SPOP: variants seen among roughly 807,000 people sequenced by gnomAD.
SPOP encodes the protein speckle-type POZ protein.
In SPOP, 11 loss-of-function variants were observed where a neutral mutation model predicts 45.6. The ratio of observed to expected loss-of-function variants is 0.24; its 90% CI spans 0.15 to 0.40. SPOP has a LOEUF of 0.40. Among genes scored for constraint, SPOP ranks in the 10% least tolerant of loss-of-function variants. The probability of loss-of-function intolerance (pLI) is 1.00; values close to 1 mark genes in which losing one functional copy is unlikely to be tolerated. For synonymous variants in SPOP, 166 were observed against 166.3 expected (o/e 1.00, Z 0.01); for missense variants, 152 against 465.6 (o/e 0.33, Z 6.20).
chr17:49,602,047 G>A (rs1481393580), intron 8 of SPOP, 40 bp from the exon 9 acceptor site: 1 of 1,607,290 alleles, frequency 6.2e-7, no homozygotes, highest in Non-Finnish European at 8.5e-7. Context: ...AGCAGCAATA[G>A]TTCTGGGCTG....
Position 49,600,501 on chromosome 17 carries a change from C to T in SPOP, c.1002G>A (p.Glu334=). The part of the protein sequence containing the change: ...FINYHASDVL[E]TSGWKSMVVS... Reference sequence around the variant, plus strand: ...CCACCATTGACTTCCACCCAGAGGTCTCCAAGACATCCGAAGCATGACTAG... The same window carrying T: ...CCACCATTGACTTCCACCCAGAGGTTTCCAAGACATCCGAAGCATGACTAG... Residue 334 remains glutamate (E), a synonymous_variant, in exon 10 of 10, where the codon GAG becomes GAA. Coordinates refer to ENST00000504102, the MANE Select transcript of SPOP (RefSeq NM_001007228.2). The surrounding 1 kb of genome is among the most constrained non-coding windows in gnomAD (Gnocchi z 4.2). The T allele has an allele frequency of 6.2e-7, 1 of 1,614,096 alleles. No individual in the cohort carries two copies. The highest frequency in any genetic ancestry group is 8.5e-7 in the Non-Finnish European group (1 of 1,180,002).
chr17:49,622,182 T>C (rs2072233567), intron 2 of SPOP, 115 bp from the exon 3 acceptor site: 6 of 1,381,760 alleles, frequency 4.3e-6, no homozygotes, highest in Admixed American at 2.0e-5. Flanking sequence ...GATAGGAAGA[T>C]AGCAGTTTTC....
intron 1 of SPOP, among the ~76,000 whole-genome samples, chr17:49,637,830 TACACC>T (rs1311485879): frequency 2.0e-5 from 3 of 152,248 alleles, no homozygotes; most frequent in African/African-American, 7.2e-5. Flanking sequence ...ATGGGTAAAT[TACACC>T]AAAGCAAGAT....
At chr17:49,638,365 C>T (rs567719506) in intron 1 of SPOP, among the ~76,000 whole-genome samples, 2 of 152,198 alleles carry the variant, frequency 1.3e-5, no homozygotes, top group African/African-American at 4.8e-5. Flanking sequence ...CCGAGGCAGG[C>T]GGATCACGAG....
intron 6 of SPOP, among the ~76,000 whole-genome samples, chr17:49,608,162 G>A (rs1020266420): frequency 3.3e-5 from 5 of 151,856 alleles, no homozygotes; most frequent in Non-Finnish European, 5.9e-5. Flanking sequence ...ATAACTTATC[G>A]GCTCTACTCC....
chr17:49,605,464 C>T (rs541447602), intron 8 of SPOP, among the ~76,000 whole-genome samples: 5 of 152,182 alleles, frequency 3.3e-5, no homozygotes, highest in South Asian at 2.1e-4. Flanking sequence ...CTGAGGTGGG[C>T]GGACCACTTG....
At chr17:49,665,156 T>C (rs558147618) in intron 1 of SPOP, among the ~76,000 whole-genome samples, 25 of 152,300 alleles carry the variant, frequency 1.6e-4, no homozygotes, top group African/African-American at 6.0e-4. Context: ...GATATCCCTA[T>C]ATAAAATTAC....
intron 1 of SPOP, among the ~76,000 whole-genome samples, chr17:49,648,781 CGGAGTCTCACTG>C (rs1418710615): frequency 2.6e-5 from 4 of 152,118 alleles, no homozygotes; most frequent in Admixed American, 2.6e-4. Flanking sequence ...TTTTTTGAGA[CGGAGTCTCACTG>C]TGTTGCCCAG....
At chr17:49,644,687 A>G (rs1172097099) in intron 1 of SPOP, among the ~76,000 whole-genome samples, 1 of 152,188 alleles carries the variant, frequency 6.6e-6, no homozygotes, top group Non-Finnish European at 1.5e-5. Flanking sequence ...GATTTTGGAA[A>G]AAAAGAATGA....
At chr17:49,646,992 G>T (rs2072768863) in intron 1 of SPOP, among the ~76,000 whole-genome samples, 1 of 152,076 alleles carries the variant, frequency 6.6e-6, no homozygotes, top group Admixed American at 6.6e-5. Flanking sequence ...AACTCAGTAT[G>T]AAAGTATGTT....
At chr17:49,629,294 A>C (rs539743662) in intron 1 of SPOP, among the ~76,000 whole-genome samples, 23 of 152,302 alleles carry the variant, frequency 1.5e-4, no homozygotes, top group African/African-American at 5.1e-4. Flanking sequence ...AGTTGCATTC[A>C]AGTTCATTAA....
At chr17:49,605,213 G>C (rs1229212421) in intron 8 of SPOP, among the ~76,000 whole-genome samples, 1 of 152,112 alleles carries the variant, frequency 6.6e-6, no homozygotes. Flanking sequence ...CTACTATTAA[G>C]CTATTAATTC....
chr17:49,621,000 A>G (rs1406683628), intron 3 of SPOP, among the ~76,000 whole-genome samples: 1 of 152,208 alleles, frequency 6.6e-6, no homozygotes, highest in Non-Finnish European at 1.5e-5. Context: ...ATGAATGAAA[A>G]AATAACTTTT....
At chr17:49,650,669 C>G (rs1466701604) in intron 1 of SPOP, among the ~76,000 whole-genome samples, 1 of 152,182 alleles carries the variant, frequency 6.6e-6, no homozygotes, top group Admixed American at 6.5e-5. Context: ...TAAGTAATAC[C>G]AGCAATTTTA....
At chr17:49,622,527 C>G (rs992766124) in intron 2 of SPOP, 18 of 584,274 alleles carry the variant, frequency 3.1e-5, no homozygotes, top group African/African-American at 2.6e-4. Flanking sequence ...CCCTTTCAAC[C>G]TCCACTGAAA....
At chr17:49,664,253 C>G (rs923811556) in intron 1 of SPOP, among the ~76,000 whole-genome samples, 13 of 152,162 alleles carry the variant, frequency 8.5e-5, no homozygotes, top group Non-Finnish European at 1.9e-4. Flanking sequence ...TTTCCAACTA[C>G]ATGTTCTTTC....
At chr17:49,623,849 A>G (rs2072269180) in intron 1 of SPOP, among the ~76,000 whole-genome samples, 1 of 151,818 alleles carries the variant, frequency 6.6e-6, no homozygotes. Context: ...TTAATCCTCA[A>G]TCATTTTCTC....
At chr17:49,658,283 T>G (rs1285894168) in intron 1 of SPOP, among the ~76,000 whole-genome samples, 2 of 152,226 alleles carry the variant, frequency 1.3e-5, no homozygotes, top group Non-Finnish European at 2.9e-5. Context: ...TAACTCTGTA[T>G]GGTGGGATTT....
chr17:49,664,366 T>G (rs776030050), intron 1 of SPOP, among the ~76,000 whole-genome samples: 6 of 152,216 alleles, frequency 3.9e-5, no homozygotes, highest in Non-Finnish European at 8.8e-5. Context: ...GCTGGATATT[T>G]AAGAGACTTG....
Sources: allele counts gnomAD v4.1 joint callset (sites outside exome capture counted in the v4.1 genomes callset), GRCh38; gene constraint gnomAD v4.1.1; non-coding constraint Gnocchi (gnomAD v3.1); transcripts MANE v1.5; gene names NCBI Gene and HGNC (gene_info 2026-07-23, HGNC 2026-07-21).